The following NDUFS4 variants were observed in gnomAD, a reference collection of about 807,000 sequenced individuals.
NDUFS4 encodes the protein NADH:ubiquinone oxidoreductase subunit S4.
NDUFS4 carries 28 observed loss-of-function variants against 24.3 expected under a neutral mutation model. The ratio of observed to expected loss-of-function variants is 1.15; its 90% CI spans 0.85 to 1.58. The LOEUF is 1.58. Among genes scored for constraint, NDUFS4 ranks in the 40% most tolerant of loss-of-function variants. The pLI is 0.00. For synonymous variants in NDUFS4, 93 were observed against 69.7 expected (o/e 1.34, Z -1.67); for missense variants, 223 against 207.9 (o/e 1.07, Z -0.45).
chr5:53,644,775 G>C (rs1373304613), intron 2 of NDUFS4, among the ~76,000 whole-genome samples: 1 of 152,052 alleles, frequency 6.6e-6, no homozygotes, highest in Non-Finnish European at 1.5e-5. Flanking sequence ...GGATAATTTT[G>C]ATAGTTTCTG....
chr5:53,577,740 C>T (rs1749431354), intron 1 of NDUFS4, among the ~76,000 whole-genome samples: 1 of 152,150 alleles, frequency 6.6e-6, no homozygotes, highest in Non-Finnish European at 1.5e-5. Context: ...TTCCAACTCA[C>T]TTAACTATAA....
chr5:53,576,530 A>T (rs1749391928), intron 1 of NDUFS4, among the ~76,000 whole-genome samples: 2 of 152,158 alleles, frequency 1.3e-5, no homozygotes, highest in African/African-American at 4.8e-5. Context: ...CCATAGCTTT[A>T]TTACCAGGGA....
At chr5:53,623,436 G>A (rs995726192) in intron 2 of NDUFS4, among the ~76,000 whole-genome samples, 6 of 152,112 alleles carry the variant, frequency 3.9e-5, no homozygotes, top group African/African-American at 1.4e-4. Flanking sequence ...GTCTATTCAA[G>A]TTCTTTGTTC....
At chr5:53,670,451 C>T (rs995817806) in intron 4 of NDUFS4, among the ~76,000 whole-genome samples, 2 of 151,798 alleles carry the variant, frequency 1.3e-5, no homozygotes, top group African/African-American at 2.4e-5. Context: ...AAAAGTATCT[C>T]AATTTTTATT....
chr5:53,581,622 AC>A (rs1478796413), intron 1 of NDUFS4, among the ~76,000 whole-genome samples: 4 of 151,762 alleles, frequency 2.6e-5, no homozygotes, highest in African/African-American at 9.7e-5. Flanking sequence ...GCCCCGGCCT[AC>A]CCCCAACACC....
intron 2 of NDUFS4, chr5:53,604,731 T>G (rs1270985129): frequency 3.1e-5 from 14 of 456,150 alleles, no homozygotes; most frequent in Non-Finnish European, 5.3e-5. Flanking sequence ...TAGGTTTATC[T>G]TGTACCACTG....
At chr5:53,601,666 C>A (rs995617132) in intron 1 of NDUFS4, among the ~76,000 whole-genome samples, 1 of 152,000 alleles carries the variant, frequency 6.6e-6, no homozygotes, top group African/African-American at 2.4e-5. Flanking sequence ...GTGGAAAATT[C>A]CCAAAACAAA....
intron 3 of NDUFS4, 34 bp from the exon 4 acceptor site, chr5:53,658,517 T>A (rs777870422): frequency 7.5e-6 from 11 of 1,457,980 alleles, no homozygotes; most frequent in Non-Finnish European, 1.1e-5. Context: ...TAAAGCTTAA[T>A]GTTAAATCTT....
At chr5:53,651,424 C>T (rs2112513449) in intron 3 of NDUFS4, among the ~76,000 whole-genome samples, 1 of 151,838 alleles carries the variant, frequency 6.6e-6, no homozygotes, top group Admixed American at 6.5e-5. Flanking sequence ...AGAAATAAAC[C>T]TGTGTCCCAG....
At chr5:53,584,263 T>A (rs1429082967) in intron 1 of NDUFS4, among the ~76,000 whole-genome samples, 1 of 152,214 alleles carries the variant, frequency 6.6e-6, no homozygotes, top group East Asian at 1.9e-4. Flanking sequence ...TAAGACATAA[T>A]AGATATTTCA....
chr5:53,610,255 C>T (rs761892627), intron 2 of NDUFS4, among the ~76,000 whole-genome samples: 1 of 151,806 alleles, frequency 6.6e-6, no homozygotes, highest in Non-Finnish European at 1.5e-5. Flanking sequence ...ATAGAGAGGC[C>T]CAAGGAAAGG....
intron 1 of NDUFS4, among the ~76,000 whole-genome samples, chr5:53,598,460 G>A: frequency 6.6e-6 from 1 of 152,156 alleles, no homozygotes; most frequent in East Asian, 1.9e-4. Context: ...TTAAAACAAA[G>A]TAGAACTATC....
At chr5:53,646,186 G>T (rs1172315690) in intron 2 of NDUFS4, 47 bp from the exon 3 acceptor site, 2 of 1,410,986 alleles carry the variant, frequency 1.4e-6, no homozygotes, top group Non-Finnish European at 2.0e-6. Context: ...ACATTAGTGT[G>T]TATGTAGGCT....
rs1047882088 is a variant in NDUFS4 at position 53,607,249 on chromosome 5, C to T, written c.177+3719C>T. Among the ~76,000 whole-genome samples, 5 of 152,280 alleles carry T rather than the reference C, an allele frequency of 3.3e-5. No individual in the cohort carries two copies. The South Asian group carries it at 8.3e-4, about 25-fold the overall frequency. The stretch of plus-strand genomic sequence containing the variant: ...TCAAGCGCAGTGATAGTTTTTCAAC[C>T]GTTGTGCCCATCTCTCCTTCCCAGA... On this transcript the variant is annotated intron_variant, in intron 2 of 4. Coordinates refer to ENST00000296684, the MANE Select transcript of NDUFS4 (RefSeq NM_002495.4).
At chr5:53,589,092 G>A (rs770187336) in intron 1 of NDUFS4, among the ~76,000 whole-genome samples, 43 of 152,228 alleles carry the variant, frequency 2.8e-4, no homozygotes, top group Admixed American at 1.9e-3. Flanking sequence ...CTTCAAAAGC[G>A]TAAGAAAATA....
chr5:53,662,580 C>T (rs910155404), intron 4 of NDUFS4, among the ~76,000 whole-genome samples: 1 of 152,042 alleles, frequency 6.6e-6, no homozygotes, highest in Non-Finnish European at 1.5e-5. Flanking sequence ...GTACCAGCTC[C>T]TCCTTGTACC....
chr5:53,563,641 A>G (rs1748929324), intron 1 of NDUFS4, among the ~76,000 whole-genome samples: 2 of 151,866 alleles, frequency 1.3e-5, no homozygotes, highest in South Asian at 2.1e-4. Flanking sequence ...AGCTGGGATT[A>G]CAGGTGCCCA....
At chr5:53,585,506 G>A (rs1452054533) in intron 1 of NDUFS4, among the ~76,000 whole-genome samples, 2 of 152,104 alleles carry the variant, frequency 1.3e-5, no homozygotes, top group South Asian at 2.1e-4. Flanking sequence ...AGCACTTTGG[G>A]AGGCTGAGGT....
intron 2 of NDUFS4, among the ~76,000 whole-genome samples, chr5:53,636,339 A>G (rs1751550945): frequency 6.6e-6 from 1 of 152,190 alleles, no homozygotes; most frequent in Non-Finnish European, 1.5e-5. Context: ...AGACTTCAGG[A>G]AAAGGGAAGT....
Sources: gnomAD v4.1 joint callset for allele counts (sites outside exome capture counted in the v4.1 genomes callset) on GRCh38, gnomAD v4.1.1 for gene constraint, MANE v1.5 for transcripts, NCBI Gene and HGNC (gene_info 2026-07-23, HGNC 2026-07-21) for gene names.